CDH2: variants seen among roughly 807,000 people sequenced by gnomAD.
CDH2 encodes cadherin-2.
Under a neutral mutation model 92.0 loss-of-function variants are expected in CDH2, and 17 were observed. That is an observed-to-expected ratio of 0.18 (90% CI 0.13 to 0.28). The LOEUF is 0.28. Among genes scored for constraint, CDH2 ranks in the 10% least tolerant of loss-of-function variants. CDH2 has a pLI of 1.00. For synonymous variants in CDH2, 419 were observed against 415.9 expected, an observed-to-expected ratio of 1.01 and a Z score of -0.09; for missense variants, 862 against 1,133.1, an observed-to-expected ratio of 0.76 and a Z score of 3.44.
intron 1 of CDH2, among the ~76,000 whole-genome samples, chr18:28,154,142 GCAA>G (rs1242944278): frequency 6.6e-6 from 1 of 152,170 alleles, no homozygotes; most frequent in African/African-American, 2.4e-5. Flanking sequence ...CAATAGCTTA[GCAA>G]CAACAAAAAG....
chr18:28,114,281 A>G (rs896438049), intron 2 of CDH2, among the ~76,000 whole-genome samples: 1 of 152,158 alleles, frequency 6.6e-6, no homozygotes, highest in Non-Finnish European at 1.5e-5. Flanking sequence ...AATATACATT[A>G]TATGTATAGA....
At chr18:28,023,614 C>T (rs977244370) in intron 2 of CDH2, among the ~76,000 whole-genome samples, 7 of 152,096 alleles carry the variant, frequency 4.6e-5, no homozygotes, top group African/African-American at 1.2e-4. Flanking sequence ...CCAACTGCAC[C>T]TGGCCAATAT....
At chr18:27,998,012 T>A (rs1436961084) in intron 7 of CDH2, among the ~76,000 whole-genome samples, 3 of 152,028 alleles carry the variant, frequency 2.0e-5, no homozygotes, top group Non-Finnish European at 2.9e-5. Flanking sequence ...TTCACCGTGT[T>A]AGCCAGGATG....
chr18:27,955,369 T>TAA (rs760993428), intron 15 of CDH2, among the ~76,000 whole-genome samples: 54 of 30,990 alleles, frequency 1.7e-3, no homozygotes, highest in Middle Eastern at 0.019. Flanking sequence ...AGTATAATAG[T>TAA]AAAAAAAAAA....
chr18:27,976,850 C>A (rs1219684327), intron 14 of CDH2, among the ~76,000 whole-genome samples: 1 of 152,116 alleles, frequency 6.6e-6, no homozygotes, highest in Admixed American at 6.5e-5. Flanking sequence ...TAAGTCTAAG[C>A]CTTAAAAAGC....
intron 2 of CDH2, chr18:28,146,753 A>G (rs2016041209): frequency 1.3e-5 from 2 of 152,094 alleles, no homozygotes; most frequent in African/African-American, 4.8e-5. Flanking sequence ...TGTGTGGTAG[A>G]GCTCTGTGTA....
At chr18:28,048,329 G>T (rs2014122082) in intron 2 of CDH2, among the ~76,000 whole-genome samples, 1 of 152,058 alleles carries the variant, frequency 6.6e-6, no homozygotes, top group African/African-American at 2.4e-5. Context: ...AATATTAAAA[G>T]GGAGGGGAGC....
chr18:28,060,824 C>T (rs1411134039), intron 2 of CDH2, among the ~76,000 whole-genome samples: 1 of 152,186 alleles, frequency 6.6e-6, no homozygotes, highest in Non-Finnish European at 1.5e-5. Context: ...TGGTGAACCT[C>T]AGTATGGACC....
In CDH2 at chr18:28,080,512, T is replaced by TACTTAAAA. The variant is rs1431220863; in HGVS notation, c.173-66604_173-66603insTTTTAAGT. Among the ~76,000 whole-genome samples the TACTTAAAA allele has an allele frequency of 2.0e-5, 3 of 152,162 alleles. No homozygotes were observed. The East Asian group carries it at 5.8e-4, about 29-fold the overall frequency. ...AGGTCTTTCAAAAATTAACAAAGCATAAGACAACAGAAAAAGAAATACTTA... is the reference window on the plus strand; with the variant it reads ...AGGTCTTTCAAAAATTAACAAAGCATACTTAAAAAAGACAACAGAAAAAGAAATACTTA... On this transcript the variant is annotated intron_variant, in intron 2 of 15. Transcript: ENST00000269141.
chr18:27,988,718 A>AT, intron 10 of CDH2, 52 bp from the exon 11 acceptor site: 3 of 1,387,132 alleles, frequency 2.2e-6, no homozygotes, highest in Non-Finnish European at 3.0e-6. Flanking sequence ...TTAAAAAAAC[A>AT]TATTTTACAG....
intron 2 of CDH2, among the ~76,000 whole-genome samples, chr18:28,127,730 G>A (rs972947187): frequency 6.6e-6 from 1 of 152,104 alleles, no homozygotes; most frequent in East Asian, 1.9e-4. Context: ...AGTCCTTCAA[G>A]GCTATTTCAA....
chr18:28,053,879 CTCTA>C (rs1408275059), intron 2 of CDH2, among the ~76,000 whole-genome samples: 1 of 151,990 alleles, frequency 6.6e-6, no homozygotes, highest in Non-Finnish European at 1.5e-5. Flanking sequence ...TTTTGAAGTC[CTCTA>C]TCTTTCTTAC....
intron 2 of CDH2, among the ~76,000 whole-genome samples, chr18:28,076,328 T>A (rs2014718010): frequency 6.6e-6 from 1 of 152,158 alleles, no homozygotes. Context: ...GGCCTTACTA[T>A]TTGCTAGCTG....
chr18:28,132,237 G>A (rs866739043), intron 2 of CDH2, among the ~76,000 whole-genome samples: 1 of 152,178 alleles, frequency 6.6e-6, no homozygotes, highest in Non-Finnish European at 1.5e-5. Context: ...CTCACTGCAC[G>A]GAACAGAAAC....
chr18:28,176,935 G>T, intron 1 of CDH2, 28 bp downstream of exon 1: 1 of 1,257,172 alleles, frequency 8.0e-7, no homozygotes, highest in Admixed American at 4.0e-5. Flanking sequence ...CCCCGCCCGT[G>T]GCCCGGCCCG....
intron 9 of CDH2, 24 bp downstream of exon 9, chr18:27,992,631 A>T (rs1043933204): frequency 1.3e-6 from 2 of 1,594,202 alleles, no homozygotes; most frequent in Admixed American, 3.4e-5. Flanking sequence ...TGTTGGAGAG[A>T]TCAGTGGCCC....
intron 2 of CDH2, among the ~76,000 whole-genome samples, chr18:28,032,588 G>A (rs2013725033): frequency 6.6e-6 from 1 of 152,092 alleles, no homozygotes; most frequent in African/African-American, 2.4e-5. Flanking sequence ...TAAGTCATGA[G>A]TTCAGAATGT....
chr18:28,132,454 G>A (rs934627077), intron 2 of CDH2, among the ~76,000 whole-genome samples: 6 of 152,194 alleles, frequency 3.9e-5, no homozygotes, highest in Admixed American at 6.5e-5. Flanking sequence ...TCCAGTCAAG[G>A]AGTGAGAGAA....
chr18:28,080,634 A>T (rs1421515171), intron 2 of CDH2, among the ~76,000 whole-genome samples: 1 of 152,242 alleles, frequency 6.6e-6, no homozygotes, highest in Non-Finnish European at 1.5e-5. Flanking sequence ...TAATGCTTAC[A>T]GCTTATTTGT....
Sources: allele counts gnomAD v4.1 joint callset (sites outside exome capture counted in the v4.1 genomes callset), GRCh38; gene constraint gnomAD v4.1.1; transcripts MANE v1.5; gene names NCBI Gene and HGNC (gene_info 2026-07-23, HGNC 2026-07-21).